RASA2: variants seen among roughly 807,000 people sequenced by gnomAD.
RASA2 encodes ras GTPase-activating protein 2.
Under a neutral mutation model 118.2 loss-of-function variants are expected in RASA2, and 155 were observed. The ratio of observed to expected loss-of-function variants is 1.31; its 90% confidence interval spans 1.15 to 1.50. The LOEUF (loss-of-function observed/expected upper bound fraction) is 1.50. Ranked by LOEUF, RASA2 falls within the 40% of genes most tolerant of loss-of-function variation. The pLI is 0.00. For synonymous variants in RASA2, 353 were observed against 349.1 expected (o/e 1.01, Z -0.12); for missense variants, 1,016 against 1,009.6 (o/e 1.01, Z -0.09).
intron 14 of RASA2, among the ~76,000 whole-genome samples, chr3:141,574,695 G>C (rs1186881464): frequency 6.6e-6 from 1 of 152,152 alleles, no homozygotes; most frequent in Non-Finnish European, 1.5e-5. Flanking sequence ...ACTTATACCA[G>C]ATGCTTATGA....
At chr3:141,574,307 A>G (rs1039478497) in intron 14 of RASA2, among the ~76,000 whole-genome samples, 1 of 151,820 alleles carries the variant, frequency 6.6e-6, no homozygotes, top group Non-Finnish European at 1.5e-5. Flanking sequence ...CTCCTGCCTC[A>G]GCCTCCCGAG....
chr3:141,594,492 G>A (rs1435782962), intron 19 of RASA2, among the ~76,000 whole-genome samples: 5 of 151,914 alleles, frequency 3.3e-5, no homozygotes, highest in African/African-American at 9.7e-5. Flanking sequence ...ACATAAAATA[G>A]TCAAACCAGA....
intron 23 of RASA2, among the ~76,000 whole-genome samples, chr3:141,611,672 T>C (rs974985987): frequency 1.3e-4 from 20 of 152,194 alleles, no homozygotes; most frequent in Admixed American, 7.2e-4. Flanking sequence ...CCACTTTAAA[T>C]GTTCTTTGAA....
chr3:141,516,780 G>GT (rs963937406), intron 3 of RASA2, among the ~76,000 whole-genome samples: 312 of 140,760 alleles, frequency 2.2e-3, no homozygotes, highest in Middle Eastern at 3.9e-3. Context: ...CTCTTTTTTT[G>GT]TTTTTTTTTT....
At position 141,573,231 on chromosome 3, in the gene RASA2, T is replaced by C; in HGVS notation, c.1359+10T>C. On this transcript the variant is annotated intron_variant, in intron 13 of 23. Coordinates refer to ENST00000286364, the MANE Select transcript of RASA2 (RefSeq NM_006506.5). The stretch of plus-strand genomic sequence containing the variant: ...TGTAGAAAATAATAAGGTAAGTCCT[T>C]GTTATATTATTTATAATTGCATTAA... 6.5e-7 allele frequency: 1 copy of C among 1,536,472 alleles called. No individual in the cohort carries two copies. The highest frequency in any genetic ancestry group is 1.4e-5 in the African/African-American group (1 of 69,324).
chr3:141,554,487 T>C (rs1274531625), intron 6 of RASA2, among the ~76,000 whole-genome samples: 5 of 152,302 alleles, frequency 3.3e-5, no homozygotes. Flanking sequence ...TATAATAATT[T>C]GTGAAAAAAC....
chr3:141,571,694 TAAC>T (rs1380850815), intron 11 of RASA2, 140 bp downstream of exon 11: 1 of 760,376 alleles, frequency 1.3e-6, no homozygotes, highest in Non-Finnish European at 2.0e-6. Flanking sequence ...ACTTAACAAA[TAAC>T]AAAAGGCAGT....
intron 3 of RASA2, among the ~76,000 whole-genome samples, chr3:141,517,754 C>T (rs368124771): frequency 9.2e-5 from 14 of 152,178 alleles, no homozygotes; most frequent in East Asian, 1.9e-4. Context: ...CCTGGGTTCA[C>T]GCCATTCTCC....
chr3:141,595,082 A>G (rs780398023), intron 19 of RASA2, among the ~76,000 whole-genome samples: 7 of 152,180 alleles, frequency 4.6e-5, no homozygotes, highest in Non-Finnish European at 7.3e-5. Flanking sequence ...TTAAGGCTGT[A>G]TATTATAATA....
At chr3:141,608,409 A>G in intron 20 of RASA2, 80 bp from the exon 21 acceptor site, 2 of 1,333,216 alleles carry the variant, frequency 1.5e-6, no homozygotes, top group Non-Finnish European at 2.1e-6. Context: ...AGATTCCTTT[A>G]GGTACTTTTC....
At chr3:141,571,304 A>T (rs1158995254) in intron 10 of RASA2, 102 bp from the exon 11 acceptor site, 1 of 1,457,342 alleles carries the variant, frequency 6.9e-7, no homozygotes, top group Non-Finnish European at 9.3e-7. Context: ...CCTGTATAAC[A>T]GCTTTAGTGA....
chr3:141,564,672 C>T (rs1442181157), intron 9 of RASA2, among the ~76,000 whole-genome samples: 1 of 152,096 alleles, frequency 6.6e-6, no homozygotes, highest in Non-Finnish European at 1.5e-5. Context: ...TTTGCCTTTC[C>T]AAATAGCCTA....
chr3:141,520,643 T>TAC lies in RASA2; in HGVS notation c.355+4216_355+4217dup, dbSNP rs201483805. ...TGATATACAGTTATATATAGTTACA[T>TAC]ACACATATATATATGCACACACATA... is the stretch of plus-strand genomic sequence containing the variant. On this transcript the variant is annotated intron_variant, in intron 3 of 23. Coordinates refer to ENST00000286364, the MANE Select transcript of RASA2 (RefSeq NM_006506.5). 6.1e-3 allele frequency among the ~76,000 whole-genome samples: 722 copies of TAC among 118,810 alleles called. 12 individuals are homozygous for TAC. The highest frequency in any genetic ancestry group is 0.028 in the African/African-American group (687 of 24,320). The allele number at this position is 118,810 out of a possible 152,430, so 77.9% of individuals were successfully genotyped here.
intron 9 of RASA2, among the ~76,000 whole-genome samples, chr3:141,564,922 A>G (rs1452434182): frequency 6.6e-6 from 1 of 152,160 alleles, no homozygotes; most frequent in African/African-American, 2.4e-5. Flanking sequence ...AAATTTAATA[A>G]TTGACCTGCT....
intron 20 of RASA2, among the ~76,000 whole-genome samples, chr3:141,608,089 A>G (rs1051809630): frequency 3.4e-5 from 5 of 146,034 alleles, no homozygotes; most frequent in African/African-American, 1.4e-4. Context: ...ATACAGTCCC[A>G]AGCTATCTGT....
chr3:141,608,160 T>G (rs976554795), intron 20 of RASA2, among the ~76,000 whole-genome samples: 1 of 152,192 alleles, frequency 6.6e-6, no homozygotes, highest in Non-Finnish European at 1.5e-5. Flanking sequence ...CCAGGATGAT[T>G]TCCTTGTTCC....
intron 2 of RASA2, among the ~76,000 whole-genome samples, chr3:141,514,504 T>C (rs751470940): frequency 1.4e-4 from 22 of 152,134 alleles, no homozygotes; most frequent in Non-Finnish European, 2.5e-4. Context: ...CATAGGTGTA[T>C]ACATTTATCA....
In RASA2 at chr3:141,559,091, A is replaced by G. The variant is rs73869667; in HGVS notation, c.761+129A>G. ...AAGTTGGTTGATGAAACTTAGAGGA[A>G]TATGCAACTAATTTAAATCCAGATT... On this transcript the variant is annotated intron_variant, in intron 8 of 23. Transcript: ENST00000286364. 3.1e-3 allele frequency: 1,908 copies of G among 621,828 alleles called. 23 individuals carry two copies. In the African/African-American group the frequency reaches 0.033, roughly 11 times the overall value. 38.5% of individuals were successfully genotyped at this position (621,828 alleles called of 1,614,324 possible). A position where few individuals can be genotyped will look rare whatever the true frequency, so the allele number is the denominator to read the frequency against.
chr3:141,497,777 C>A (rs2081725475), intron 1 of RASA2, among the ~76,000 whole-genome samples: 1 of 150,656 alleles, frequency 6.6e-6, no homozygotes, highest in African/African-American at 2.4e-5. Context: ...AATGCTGAGG[C>A]CAGAGAATCA....
Sources: allele counts gnomAD v4.1 joint callset (sites outside exome capture counted in the v4.1 genomes callset), GRCh38; gene constraint gnomAD v4.1.1; transcripts MANE v1.5; gene names NCBI Gene and HGNC (gene_info 2026-07-23, HGNC 2026-07-21).